MARVELD3: variants seen among roughly 807,000 people sequenced by gnomAD.
The protein encoded by MARVELD3 is MARVEL domain-containing protein 3.
A neutral mutation model predicts 33.5 loss-of-function variants in MARVELD3; 28 were observed. That is an observed-to-expected ratio of 0.84 (90% CI 0.62 to 1.15). MARVELD3 has a LOEUF of 1.15. Ranked by LOEUF, MARVELD3 falls within the 50% of genes most tolerant of loss-of-function variation. MARVELD3 has a pLI of 0.00. For missense variants in MARVELD3, 582 were observed against 547.6 expected (o/e 1.06, Z -0.63); for synonymous variants, 241 against 230.4 (o/e 1.05, Z -0.42).
intron 2 of MARVELD3, among the ~76,000 whole-genome samples, chr16:71,633,074 G>T (rs1020818953): frequency 6.6e-6 from 1 of 151,720 alleles, no homozygotes; most frequent in African/African-American, 2.4e-5. Flanking sequence ...ATATAAAGAG[G>T]AGATAACGAC....
At chr16:71,640,688 G>A (rs1405489711), downstream of MARVELD3, 5 of 1,614,130 alleles carry the variant, frequency 3.1e-6, no homozygotes, top group Non-Finnish European at 4.2e-6. Context: ...TGTCAGGGAA[G>A]TGGCTCCTCA....
At chr16:71,637,307 G>A (rs1288303083), downstream of MARVELD3, among the ~76,000 whole-genome samples, 3 of 152,134 alleles carry the variant, frequency 2.0e-5, no homozygotes, top group African/African-American at 4.8e-5. Context: ...CCGTCCCAGA[G>A]GAATTTCAGT....
intron 1 of MARVELD3, 70 bp from the exon 2 acceptor site, chr16:71,629,297 C>G: frequency 6.8e-7 from 1 of 1,459,898 alleles, no homozygotes; most frequent in Non-Finnish European, 9.1e-7. Context: ...CACGAGGAGT[C>G]AAGAGTTCTA....
chr16:71,634,058 G>A, intron 2 of MARVELD3, 135 bp from the exon 3 acceptor site: 1 of 1,404,280 alleles, frequency 7.1e-7, no homozygotes, highest in Non-Finnish European at 9.5e-7. Context: ...TAATCGCGCT[G>A]CTTTGGCCTC....
In MARVELD3 at chr16:71,636,416, C is replaced by T. The variant is rs1451376784; in HGVS notation, c.*1613C>T. 1 of 152,492 alleles carries T rather than the reference C, an allele frequency of 6.6e-6. No homozygotes were observed. 9.4% of individuals were successfully genotyped at this position (152,492 alleles called of 1,614,324 possible). A position where few individuals can be genotyped will look rare whatever the true frequency, so the allele number is the denominator to read the frequency against. ...AAGGGGACTTTTCATTTATACATGGCTTGACTGCACATGTATTAATTTTAG... is the reference window on the plus strand; with the variant it reads ...AAGGGGACTTTTCATTTATACATGGTTTGACTGCACATGTATTAATTTTAG... On this transcript the variant is annotated 3_prime_UTR_variant, in exon 3 of 3. Transcript: ENST00000268485.
rs4788821 is a variant in MARVELD3 at position 71,626,407 on chromosome 16, G to A, written c.178G>A (p.Glu60Lys). The A allele has an allele frequency of 0.36, 558,953 of 1,548,404 alleles. 106,021 individuals are homozygous for A. Among genetic ancestry groups the A allele is most frequent in the East Asian group, 0.69 (28,347 of 40,840 alleles). ...NRRRDGDRDP[E>K]RDQERDGNRD... The stretch of plus-strand genomic sequence containing the variant: ...GCGAAGGGACGGGGACCGGGACCCG[G>A]AGAGAGACCAGGAGAGGGACGGGAA... Residue 60 changes from glutamate to lysine, a missense_variant, in exon 1 of 3, where the codon GAG (glutamate) becomes AAG (lysine). Physicochemically the swap from Glu to Lys is moderately conservative, Grantham distance 56 (BLOSUM62 1). Coordinates refer to ENST00000268485, the MANE Select transcript of MARVELD3 (RefSeq NM_052858.6). The surrounding 1 kb of genome is among the most constrained non-coding windows in gnomAD (Gnocchi z 5.3).
In MARVELD3 at chr16:71,636,315, A is replaced by G. The variant is rs2044581044; in HGVS notation, c.*1512A>G. ...TTTGAGTTTAGAAAAGGAAATATAT[A>G]TATACATGCTTGTATATGATTGGAA... On this transcript the variant is annotated 3_prime_UTR_variant, in exon 3 of 3. Transcript: ENST00000268485. 4.1e-6 allele frequency: 1 copy of G among 244,460 alleles called. No individual in the cohort carries two copies. Among genetic ancestry groups the G allele is most frequent in the Non-Finnish European group, 6.6e-6 (1 of 152,346 alleles). 15.1% of individuals were successfully genotyped at this position (244,460 alleles called of 1,614,324 possible). A position where few individuals can be genotyped will look rare whatever the true frequency, so the allele number is the denominator to read the frequency against.
chr16:71,628,785 G>A (rs1397104132), intron 1 of MARVELD3, among the ~76,000 whole-genome samples: 1 of 152,046 alleles, frequency 6.6e-6, no homozygotes, highest in African/African-American at 2.4e-5. Context: ...GAAAGACTGT[G>A]GGAGCCTGGC....
downstream of MARVELD3, chr16:71,640,393 T>G: frequency 6.2e-7 from 1 of 1,613,906 alleles, no homozygotes; most frequent in Non-Finnish European, 8.5e-7. Context: ...CTCCTAGGTG[T>G]GGTGCAGATA....
intron 2 of MARVELD3, among the ~76,000 whole-genome samples, chr16:71,631,959 G>A (rs1489929190): frequency 1.3e-5 from 2 of 152,152 alleles, no homozygotes; most frequent in African/African-American, 2.4e-5. Flanking sequence ...TCAAACATCA[G>A]GCAGGATGTT....
At chr16:71,627,165 G>A (rs192448163) in intron 1 of MARVELD3, among the ~76,000 whole-genome samples, 6 of 152,310 alleles carry the variant, frequency 3.9e-5, no homozygotes, top group Admixed American at 2.6e-4. Context: ...GCCCGATGAA[G>A]AGTTAATAGT....
chr16:71,631,159 G>C (rs2044528665), intron 2 of MARVELD3, among the ~76,000 whole-genome samples: 1 of 152,178 alleles, frequency 6.6e-6, no homozygotes, highest in South Asian at 2.1e-4. Context: ...AAGTGCTCTA[G>C]GCAATGCAGG....
downstream of MARVELD3, chr16:71,638,361 T>C (rs1412395062): frequency 6.6e-6 from 1 of 152,462 alleles, no homozygotes; most frequent in African/African-American, 2.4e-5. Flanking sequence ...TGGCTCCTCT[T>C]GTAGGAACTG....
chr16:71,631,639 G>C (rs554007263), intron 2 of MARVELD3, among the ~76,000 whole-genome samples: 2 of 152,010 alleles, frequency 1.3e-5, no homozygotes, highest in African/African-American at 2.4e-5. Flanking sequence ...GTAGAGACAG[G>C]GTTTTACCAT....
In MARVELD3 at chr16:71,626,691, C is replaced by G. The variant is rs1169676514; in HGVS notation, c.462C>G (p.Pro154=). The G allele has an allele frequency of 1.3e-6, 2 of 1,488,428 alleles. No individual in the cohort carries two copies. The highest frequency in any genetic ancestry group is 2.3e-5 in the Admixed American group (1 of 43,204). 92.2% of individuals were successfully genotyped at this position (1,488,428 alleles called of 1,614,324 possible). A position where few individuals can be genotyped will look rare whatever the true frequency, so the allele number is the denominator to read the frequency against. Residue 154 remains proline (P), a synonymous_variant, in exon 1 of 3, where the codon CCC becomes CCG. Coordinates refer to ENST00000268485, the MANE Select transcript of MARVELD3 (RefSeq NM_052858.6). The surrounding 1 kb of genome is among the most constrained non-coding windows in gnomAD (Gnocchi z 5.3). ...QRKGDPGRRR[P]ESEPPSERYL... ...AGGGAGACCCCGGGCGCCGCAGACC[C>G]GAAAGGTGAGAGGGGCCGGGGCGCT... is the stretch of plus-strand genomic sequence containing the variant.
At chr16:71,633,311 G>C (rs2044550217) in intron 2 of MARVELD3, among the ~76,000 whole-genome samples, 1 of 152,150 alleles carries the variant, frequency 6.6e-6, no homozygotes, top group Admixed American at 6.5e-5. Flanking sequence ...ATAGTGAGCT[G>C]TGATTGTGCC....
intron 2 of MARVELD3, among the ~76,000 whole-genome samples, chr16:71,631,901 T>C (rs1430780982): frequency 6.6e-6 from 1 of 152,224 alleles, no homozygotes; most frequent in African/African-American, 2.4e-5. Context: ...AATGTGTAGC[T>C]GTGGTTTCAT....
Position 71,629,425 on chromosome 16 carries a change from G to T in MARVELD3, c.526G>T (p.Glu176Ter). ...STPRPGREEV[E>*]YYQSEAEGLL... ...CCCCAGGCCTGGACGAGAGGAGGTG[G>T]AATATTACCAGTCAGAGGCGGAAGG... The change falls in exon 2 of 3, where the codon GAA becomes TAA. Residue 176 changes from glutamate to a stop codon, truncating the protein, a stop_gained. Coordinates refer to ENST00000268485, the MANE Select transcript of MARVELD3 (RefSeq NM_052858.6). LOFTEE classifies it high-confidence loss of function. 6.3e-7 allele frequency: 1 copy of T among 1,583,950 alleles called. No homozygotes were observed. The highest frequency in any genetic ancestry group is 8.6e-7 in the Non-Finnish European group (1 of 1,167,930).
Position 71,626,262 on chromosome 16 carries a change from G to A in MARVELD3, c.33G>A (p.Arg11=). 2 of 1,529,144 alleles carry A rather than the reference G, an allele frequency of 1.3e-6. No individual in the cohort carries two copies. The highest frequency in any genetic ancestry group is 1.2e-5 in the South Asian group (1 of 81,616). 94.7% of individuals were successfully genotyped at this position (1,529,144 alleles called of 1,614,324 possible). ...ATCCGTCGGGGGCTCGCGAGCCCCG[G>A]GCCCGGCCGAGAGAGCGGGACCCGG... MEDPSGAREP[R]ARPRERDPGR... The change falls in exon 1 of 3, where the codon CGG becomes CGA. Residue 11 remains arginine, a synonymous_variant. Transcript: ENST00000268485. The surrounding 1 kb of genome is among the most constrained non-coding windows in gnomAD (Gnocchi z 5.3).
Sources: gnomAD v4.1 joint callset for allele counts (sites outside exome capture counted in the v4.1 genomes callset) on GRCh38, gnomAD v4.1.1 for gene constraint, Gnocchi (gnomAD v3.1) non-coding constraint, MANE v1.5 for transcripts, NCBI Gene and HGNC (gene_info 2026-07-23, HGNC 2026-07-21) for gene names.